COL4A4: variants seen among roughly 807,000 people sequenced by gnomAD.
COL4A4 encodes the protein collagen alpha-4(IV) chain.
Under a neutral mutation model 192.9 loss-of-function variants are expected in COL4A4, and 105 were observed. That is an observed-to-expected ratio of 0.54 (90% CI 0.46 to 0.64). The LOEUF (loss-of-function observed/expected upper bound fraction) is 0.64, where lower values mean the gene tolerates loss of function less well. Among genes scored for constraint, COL4A4 ranks in the 30% least tolerant of loss-of-function variants. COL4A4 has a pLI of 0.00. For missense variants in COL4A4, 1,967 were observed against 2,169.3 expected (o/e 0.91, Z 1.85); for synonymous variants, 762 against 769.9 (o/e 0.99, Z 0.17).
rs1275985842 is a variant in COL4A4 at position 227,102,820 on chromosome 2, T to C, written c.899A>G (p.Glu300Gly). The C allele has an allele frequency of 6.2e-7, 1 of 1,613,568 alleles. No homozygotes were observed. The highest frequency in any genetic ancestry group is 2.2e-5 in the East Asian group (1 of 44,848). ...CCCTGGAAATCCAGGAATACCTTTT[T>C]CTCCTTTTGCCCCAATACCAGATTC... ...KGESGIGAKGEKGIPGFPGPR... is the reference protein window; with the variant it reads ...KGESGIGAKGGKGIPGFPGPR... The change falls in exon 15 of 48, where the codon GAA becomes GGA. Residue 300 changes from glutamate (E) to glycine (G), a missense_variant. Physicochemically the swap from Glu to Gly is moderately conservative, Grantham distance 98 (BLOSUM62 -2). Coordinates refer to ENST00000396625, the MANE Select transcript of COL4A4 (RefSeq NM_000092.5).
At chr2:226,988,392 C>T in the COL4A4 span, 5 of 1,550,366 alleles carry the variant, frequency 3.2e-6, no homozygotes, top group Admixed American at 3.9e-5. Flanking sequence ...AAGGTCAGAA[C>T]AGACAAAGGA....
chr2:227,117,992 G>T (rs2061580922), intron 7 of COL4A4, among the ~76,000 whole-genome samples: 2 of 152,236 alleles, frequency 1.3e-5, no homozygotes, highest in Non-Finnish European at 2.9e-5. Context: ...GAAGGCAGAA[G>T]TTTGGAAGAG....
At chr2:227,012,728 G>T (rs1964040165) in intron 44 of COL4A4, among the ~76,000 whole-genome samples, 1 of 151,500 alleles carries the variant, frequency 6.6e-6, no homozygotes, top group African/African-American at 2.4e-5. Flanking sequence ...AGAAATGAAT[G>T]AAACTTAATC....
At chr2:226,982,513 A>T in the COL4A4 span, among the ~76,000 whole-genome samples, 1 of 152,260 alleles carries the variant, frequency 6.6e-6, no homozygotes. Context: ...CAATAGATGT[A>T]ATACATCTCA....
At chr2:227,085,917 C>A (rs2059577940) in intron 22 of COL4A4, among the ~76,000 whole-genome samples, 2 of 152,208 alleles carry the variant, frequency 1.3e-5, no homozygotes, top group Non-Finnish European at 2.9e-5. Flanking sequence ...GACTTTAATT[C>A]ACTGGTATGT....
chr2:226,990,921 A>T, the COL4A4 span, among the ~76,000 whole-genome samples: 1 of 152,200 alleles, frequency 6.6e-6, no homozygotes. Context: ...CGTTTCACCC[A>T]GGCCTGTAAA....
chr2:227,033,343 G>A, intron 38 of COL4A4, 67 bp downstream of exon 38: 2 of 1,315,604 alleles, frequency 1.5e-6, no homozygotes, highest in Non-Finnish European at 2.2e-6. Context: ...ATACCAGGGA[G>A]GGTACCACTT....
chr2:227,054,663 C>T lies in COL4A4; in HGVS notation c.2791G>A (p.Ala931Thr), dbSNP rs75875272. Reference protein sequence around the residue: ...GKPGAEGCPGAKGEPGEKGMS... With the variant: ...GKPGAEGCPGTKGEPGEKGMS... The stretch of plus-strand genomic sequence containing the variant: ...CCCTTCTCTCCAGGTTCTCCCTTTG[C>T]GCCAGGACATCCCTCTGCACCAGGC... The change falls in exon 31 of 48, where the codon GCA becomes ACA. Residue 931 changes from alanine to threonine, a missense_variant. Transcript: ENST00000396625. 2.1e-3 allele frequency: 3,453 copies of T among 1,614,230 alleles called. 71 individuals are homozygous for T. The African/African-American group carries it at 0.041, about 19-fold the overall frequency.
At chr2:227,044,965 G>A (rs1338617083) in intron 35 of COL4A4, among the ~76,000 whole-genome samples, 2 of 152,176 alleles carry the variant, frequency 1.3e-5, no homozygotes, top group Admixed American at 1.3e-4. Flanking sequence ...TTTGGCCAAG[G>A]CAAACTTTCT....
intron 17 of COL4A4, among the ~76,000 whole-genome samples, chr2:227,100,702 A>C (rs1333347977): frequency 6.6e-6 from 1 of 152,136 alleles, no homozygotes; most frequent in Non-Finnish European, 1.5e-5. Context: ...CTGTGCCCCC[A>C]GCTAAATCTC....
chr2:227,091,907 AAAGAAAG>A (rs2150653909), intron 20 of COL4A4, among the ~76,000 whole-genome samples: 1 of 80,568 alleles, frequency 1.2e-5, no homozygotes, highest in South Asian at 4.1e-4. Context: ...AAGAAAAAAG[AAAGAAAG>A]AAAGAAAGAA....
chr2:227,099,741 TTGCCTGG>T, intron 17 of COL4A4, 52 bp from the exon 18 acceptor site: 1 of 1,487,894 alleles, frequency 6.7e-7, no homozygotes, highest in South Asian at 1.1e-5. Context: ...TTTACTCATG[TTGCCTGG>T]CATTAAACCA....
At chr2:226,972,771 C>G in the COL4A4 span, among the ~76,000 whole-genome samples, 1 of 152,144 alleles carries the variant, frequency 6.6e-6, no homozygotes, top group African/African-American at 2.4e-5. Flanking sequence ...CAAGCTCTTG[C>G]TGTTTAAGGG....
At chr2:227,079,026 CA>C (rs975325186) in intron 24 of COL4A4, among the ~76,000 whole-genome samples, 1 of 152,220 alleles carries the variant, frequency 6.6e-6, no homozygotes, top group African/African-American at 2.4e-5. Context: ...AAAAGCTGTG[CA>C]GTGGATAACA....
chr2:227,023,660 A>G (rs577897414), intron 43 of COL4A4, among the ~76,000 whole-genome samples: 1 of 152,264 alleles, frequency 6.6e-6, no homozygotes, highest in Non-Finnish European at 1.5e-5. Context: ...TGCTTTTACT[A>G]TTAAATCCTC....
chr2:227,148,831 T>C (rs1293657273), intron 1 of COL4A4, among the ~76,000 whole-genome samples: 3 of 150,726 alleles, frequency 2.0e-5, no homozygotes, highest in Non-Finnish European at 4.4e-5. Flanking sequence ...GAATGTTCAA[T>C]GTTACCAACT....
At chr2:227,080,124 G>A (rs2059242393) in intron 24 of COL4A4, among the ~76,000 whole-genome samples, 1 of 152,150 alleles carries the variant, frequency 6.6e-6, no homozygotes, top group Non-Finnish European at 1.5e-5. Flanking sequence ...AGAGTCAACT[G>A]AATACACCTA....
At chr2:227,034,551 TTTAA>T (rs1289560959) in intron 37 of COL4A4, among the ~76,000 whole-genome samples, 158 of 148,680 alleles carry the variant, frequency 1.1e-3, no homozygotes, top group East Asian at 2.3e-3. Flanking sequence ...CTTTTTTTTT[TTTAA>T]TTAATTAATT....
chr2:227,145,114 T>G (rs1369184879), intron 2 of COL4A4, among the ~76,000 whole-genome samples: 2 of 152,146 alleles, frequency 1.3e-5, no homozygotes, highest in Non-Finnish European at 2.9e-5. Flanking sequence ...AACTTCATTA[T>G]TACAAACAAA....
Sources: gnomAD v4.1 joint callset for allele counts (sites outside exome capture counted in the v4.1 genomes callset) on GRCh38, gnomAD v4.1.1 for gene constraint, MANE v1.5 for transcripts, NCBI Gene and HGNC (gene_info 2026-07-23, HGNC 2026-07-21) for gene names.